The following ST13 variants were observed in gnomAD, a reference collection of about 807,000 sequenced individuals.
ST13 encodes the protein hsc70-interacting protein.
In ST13, 23 loss-of-function variants were observed where a neutral mutation model predicts 56.7. That is an observed-to-expected ratio of 0.41 (90% CI 0.29 to 0.57). The LOEUF is 0.57. Ranked by LOEUF, ST13 falls within the 20% of genes least tolerant of loss-of-function variation. ST13 has a pLI of 0.36. For missense variants in ST13, 369 were observed against 459.9 expected (o/e 0.80, Z 1.81); for synonymous variants, 132 against 142.4 (o/e 0.93, Z 0.52).
chr22:40,851,507 C>T (rs2057861025), intron 1 of ST13, among the ~76,000 whole-genome samples: 1 of 152,014 alleles, frequency 6.6e-6, no homozygotes, highest in African/African-American at 2.4e-5. Context: ...TCATTATAAG[C>T]AAATAACTAG....
At chr22:40,837,094 C>T (rs1315556513) in intron 5 of ST13, among the ~76,000 whole-genome samples, 2 of 152,222 alleles carry the variant, frequency 1.3e-5, no homozygotes, top group African/African-American at 4.8e-5. Context: ...GGGATTACCA[C>T]TGTGCCAGGC....
rs746615426 is a variant in ST13 at position 40,829,631 on chromosome 22, A to G, written c.842T>C (p.Phe281Ser). 6.8e-7 allele frequency: 1 copy of G among 1,459,984 alleles called. No individual in the cohort carries two copies. The highest frequency in any genetic ancestry group is 2.4e-5 in the East Asian group (1 of 41,982). 90.4% of individuals were successfully genotyped at this position (1,459,984 alleles called of 1,614,324 possible). A position where few individuals can be genotyped will look rare whatever the true frequency, so the allele number is the denominator to read the frequency against. ...TAACTTTTCTTTAAATATACCTGGA[A>G]AAGAGCCATACTGAGCTCCTGACTG... ...RRQSGAQYGS[F>S]PGGFPGGMPG... The change falls in exon 10 of 12, where the codon TTT (phenylalanine) becomes TCT (serine). Residue 281 changes from phenylalanine (F) to serine (S), a missense_variant. Physicochemically the swap from Phe to Ser is radical, Grantham distance 155. Around this residue, in one of 3 missense-constraint regions of ST13, gnomAD observed 136 missense variants for 159.2 expected, o/e 0.85. Transcript: ENST00000216218.
chr22:40,853,795 GAC>G (rs914367763), intron 1 of ST13, among the ~76,000 whole-genome samples: 5 of 152,080 alleles, frequency 3.3e-5, no homozygotes, highest in African/African-American at 4.8e-5. Context: ...AGAAAACAAA[GAC>G]ACTCTCTTCG....
chr22:40,852,585 T>C (rs1487364890), intron 1 of ST13, among the ~76,000 whole-genome samples: 2 of 152,220 alleles, frequency 1.3e-5, no homozygotes, highest in African/African-American at 2.4e-5. Flanking sequence ...ATAAGCACCA[T>C]TCAAACGAAG....
At chr22:40,850,317 T>A (rs950563105) in intron 2 of ST13, among the ~76,000 whole-genome samples, 7 of 152,180 alleles carry the variant, frequency 4.6e-5, no homozygotes, top group Admixed American at 1.3e-4. Context: ...TTCCCCTTCA[T>A]CTGTCTCTCA....
chr22:40,845,107 ATATT>A (rs2057824386), intron 3 of ST13, among the ~76,000 whole-genome samples, 198 bp from the exon 4 acceptor site: 1 of 152,320 alleles, frequency 6.6e-6, no homozygotes, highest in Admixed American at 6.5e-5. Flanking sequence ...ATCATGTAAG[ATATT>A]TATTATCAGG....
chr22:40,847,984 T>C (rs1414717412), intron 3 of ST13, among the ~76,000 whole-genome samples: 1 of 151,830 alleles, frequency 6.6e-6, no homozygotes, highest in African/African-American at 2.4e-5. Flanking sequence ...GAGGTGGAGG[T>C]TGCAGTGAGC....
intron 1 of ST13, among the ~76,000 whole-genome samples, chr22:40,852,984 G>T (rs2057869444): frequency 6.6e-6 from 1 of 152,182 alleles, no homozygotes; most frequent in Non-Finnish European, 1.5e-5. Context: ...GCCAAGAAAT[G>T]TATTAAGCTA....
rs554532445 is a variant in ST13, at chr22:40,856,623, G to A, written c.-83C>T. 4.1e-5 allele frequency: 46 copies of A among 1,125,066 alleles called. No individual in the cohort carries two copies. Among genetic ancestry groups the A allele is most frequent in the Non-Finnish European group, 5.1e-5 (38 of 748,000 alleles). The allele number at this position is 1,125,066 out of a possible 1,614,324, so 69.7% of individuals were successfully genotyped here. On this transcript the variant is annotated 5_prime_UTR_variant, in exon 1 of 12. Transcript: ENST00000216218. ...CTGGCTCGGCGTGACCGCGCAGAAG[G>A]GGGCGGCTGCCGCAAGACAGAACAG... is the stretch of plus-strand genomic sequence containing the variant.
intron 1 of ST13, among the ~76,000 whole-genome samples, chr22:40,851,359 G>A (rs2057860460): frequency 6.6e-6 from 1 of 152,144 alleles, no homozygotes; most frequent in Non-Finnish European, 1.5e-5. Flanking sequence ...TGAGACCTAT[G>A]AGAATTTTTC....
chr22:40,832,105 C>T (rs1246255779), intron 8 of ST13: 6 of 449,670 alleles, frequency 1.3e-5, no homozygotes, highest in Non-Finnish European at 2.3e-5. Flanking sequence ...CCACCTGCCT[C>T]GGCCTCCCAA....
chr22:40,846,599 AAAGT>A (rs1357312449), intron 3 of ST13, among the ~76,000 whole-genome samples: 2 of 152,250 alleles, frequency 1.3e-5, no homozygotes, highest in Non-Finnish European at 2.9e-5. Context: ...AAACTGGTAG[AAAGT>A]AAGACTAAAG....
chr22:40,850,104 A>G (rs572724387), intron 2 of ST13, among the ~76,000 whole-genome samples: 1 of 151,884 alleles, frequency 6.6e-6, no homozygotes, highest in African/African-American at 2.4e-5. Flanking sequence ...CTAAAAATAG[A>G]AAAATTAGCC....
rs571693006 is a variant in ST13, at chr22:40,828,022, A to G, written c.848-793T>C. On this transcript the variant is annotated intron_variant, in intron 10 of 11. Coordinates refer to ENST00000216218, the MANE Select transcript of ST13 (RefSeq NM_003932.5). Reference sequence around the variant, plus strand: ...TAGTTTAGGTTTTTGTTTCAACTATACTCTTCTAGCATAGATCTTCCTTCA... The same window carrying G: ...TAGTTTAGGTTTTTGTTTCAACTATGCTCTTCTAGCATAGATCTTCCTTCA... Among the ~76,000 whole-genome samples the G allele has an allele frequency of 2.0e-4, 30 of 152,244 alleles. No homozygotes were observed. In the South Asian group the frequency reaches 5.8e-3, roughly 29 times the overall value.
chr22:40,832,135 T>C (rs2057756713), intron 8 of ST13: 4 of 467,624 alleles, frequency 8.6e-6, no homozygotes, highest in African/African-American at 6.0e-5. Flanking sequence ...ATTACAGGCA[T>C]GAGCCACCGC....
At chr22:40,827,045 A>C in intron 11 of ST13, 51 bp downstream of exon 11, 1 of 1,582,214 alleles carries the variant, frequency 6.3e-7, no homozygotes, top group African/African-American at 1.4e-5. Context: ...CAGAATTATG[A>C]AAGAATTGCC....
intron 7 of ST13, 96 bp from the exon 8 acceptor site, chr22:40,832,767 A>G: frequency 1.1e-6 from 1 of 940,992 alleles, no homozygotes; most frequent in Non-Finnish European, 1.6e-6. Context: ...TTGTTCTAAA[A>G]CAGGCTTAAG....
At position 40,828,346 on chromosome 22, in the gene ST13, T is replaced by C. The variant is rs2057738155; in HGVS notation, c.848-1117A>G. ...ATGGCTGGGCGTGGTGGCTCAAGCC[T>C]ATAATCCCAGCACTTTGGGAGGCCG... On this transcript the variant is annotated intron_variant, in intron 10 of 11. Transcript: ENST00000216218. Among the ~76,000 whole-genome samples, 3 of 152,004 alleles carry C rather than the reference T, an allele frequency of 2.0e-5. No individual in the cohort carries two copies. In the South Asian group the frequency reaches 6.2e-4, roughly 31 times the overall value.
intron 5 of ST13, among the ~76,000 whole-genome samples, chr22:40,838,356 G>C (rs2057787196): frequency 6.6e-6 from 1 of 152,136 alleles, no homozygotes. Flanking sequence ...ATCAGAACTA[G>C]ATTAAATTTA....
Sources: allele counts gnomAD v4.1 joint callset (sites outside exome capture counted in the v4.1 genomes callset), GRCh38; gene constraint gnomAD v4.1.1; regional missense constraint gnomAD v4.1.1; transcripts MANE v1.5; gene names NCBI Gene and HGNC (gene_info 2026-07-23, HGNC 2026-07-21).